UBA2: variants seen among roughly 807,000 people sequenced by gnomAD.
UBA2 encodes SUMO-activating enzyme subunit 2.
Under a neutral mutation model 77.2 loss-of-function variants are expected in UBA2, and 11 were observed. The observed-to-expected ratio is 0.14, with a 90% CI of 0.09 to 0.24. The LOEUF (loss-of-function observed/expected upper bound fraction) is 0.24. Among genes scored for constraint, UBA2 ranks in the 10% least tolerant of loss-of-function variants. The pLI is 1.00. For missense variants in UBA2, 487 were observed against 781.7 expected (o/e 0.62, Z 4.50); for synonymous variants, 278 against 276.7 (o/e 1.00, Z -0.05).
intron 14 of UBA2, 117 bp downstream of exon 14, chr19:34,460,683 G>A (rs563491439): frequency 4.3e-6 from 3 of 695,826 alleles, no homozygotes; most frequent in East Asian, 3.2e-5. Flanking sequence ...GCAGTGTTTG[G>A]TCATGAAGGT....
chr19:34,434,143 G>T (rs1218771975), intron 4 of UBA2, among the ~76,000 whole-genome samples: 3 of 152,216 alleles, frequency 2.0e-5, no homozygotes, highest in East Asian at 3.9e-4. Context: ...GGCTTGGGGG[G>T]TCTCACTGTT....
intron 7 of UBA2, 47 bp from the exon 8 acceptor site, chr19:34,444,953 G>A (rs758971306): frequency 1.9e-6 from 3 of 1,589,800 alleles, no homozygotes; most frequent in Non-Finnish European, 2.6e-6. Flanking sequence ...AAAGAGTTCA[G>A]TTCTACATTT....
chr19:34,437,781 C>CA lies in UBA2; in HGVS notation c.460-863dup, dbSNP rs796382180. 2.1e-4 allele frequency among the ~76,000 whole-genome samples: 31 copies of CA among 151,126 alleles called. 1 individual carries two copies. The highest frequency in any genetic ancestry group is 6.8e-4 in the African/African-American group (28 of 41,200). The stretch of plus-strand genomic sequence containing the variant: ...GTGTATCAATAAAATGGGCTGGGCG[C>CA]AGTGGCTCACGCCTGTAATCCCAGC... On this transcript the variant is annotated intron_variant, in intron 5 of 16. Coordinates refer to ENST00000246548, the MANE Select transcript of UBA2 (RefSeq NM_005499.3).
chr19:34,460,710 A>G, intron 14 of UBA2, 144 bp downstream of exon 14: 1 of 573,902 alleles, frequency 1.7e-6, no homozygotes, highest in Non-Finnish European at 3.0e-6. Context: ...TCAAGGTGAC[A>G]TTGCTGGGGG....
At chr19:34,435,100 A>G in intron 5 of UBA2, 132 bp downstream of exon 5, 1 of 666,252 alleles carries the variant, frequency 1.5e-6, no homozygotes, top group Non-Finnish European at 2.5e-6. Context: ...ATGCTTATAT[A>G]AAACTTAAAA....
At chr19:34,448,789 A>G (rs926855989) in intron 8 of UBA2, among the ~76,000 whole-genome samples, 2 of 152,210 alleles carry the variant, frequency 1.3e-5, no homozygotes, top group Admixed American at 6.5e-5. Context: ...GTGGTTAACT[A>G]CTGGAAATGG....
At chr19:34,461,273 CT>C (rs1332146038) in intron 14 of UBA2, among the ~76,000 whole-genome samples, 1 of 152,118 alleles carries the variant, frequency 6.6e-6, no homozygotes, top group East Asian at 1.9e-4. Context: ...TAATTCATAC[CT>C]ATTTGTCCAT....
chr19:34,466,200 G>A (rs1410312633), intron 15 of UBA2, among the ~76,000 whole-genome samples: 5 of 152,112 alleles, frequency 3.3e-5, no homozygotes, highest in African/African-American at 9.7e-5. Flanking sequence ...GCCAGGTGTG[G>A]TGGCGCGCCT....
intron 10 of UBA2, among the ~76,000 whole-genome samples, chr19:34,454,045 C>T (rs937150518): frequency 6.6e-6 from 1 of 152,112 alleles, no homozygotes; most frequent in Non-Finnish European, 1.5e-5. Context: ...AGACTCATTA[C>T]TGGACCAGAG....
At chr19:34,462,345 C>T (rs1465625094) in intron 14 of UBA2, among the ~76,000 whole-genome samples, 1 of 152,164 alleles carries the variant, frequency 6.6e-6, no homozygotes, top group African/African-American at 2.4e-5. Context: ...TAGGCGAGCA[C>T]AAGACTTCAC....
chr19:34,435,059 A>G, intron 5 of UBA2, 91 bp downstream of exon 5: 1 of 913,088 alleles, frequency 1.1e-6, no homozygotes, highest in South Asian at 1.5e-5. Context: ...TATAAAATGA[A>G]CAGGTGAACA....
chr19:34,459,515 C>G (rs1285734730), intron 13 of UBA2, among the ~76,000 whole-genome samples: 1 of 152,006 alleles, frequency 6.6e-6, no homozygotes, highest in Non-Finnish European at 1.5e-5. Context: ...TAAGTTAGTC[C>G]CTGAGGACAT....
Position 34,470,544 on chromosome 19 carries a change from A to T in UBA2, c.*1323A>T, listed in dbSNP as rs954575175. ...AGTGGGTTTTTTGTTCGTTTTTGAGATGAAGCCTCACACTGTCATCTGGCC... is the reference window on the plus strand; with the variant it reads ...AGTGGGTTTTTTGTTCGTTTTTGAGTTGAAGCCTCACACTGTCATCTGGCC... On this transcript the variant is annotated 3_prime_UTR_variant, in exon 17 of 17. Coordinates refer to ENST00000246548, the MANE Select transcript of UBA2 (RefSeq NM_005499.3). The T allele has an allele frequency of 1.3e-5, 2 of 152,184 alleles. No homozygotes were observed. The highest frequency in any genetic ancestry group is 2.4e-5 in the African/African-American group (1 of 41,440). The allele number at this position is 152,184 out of a possible 1,614,324, so 9.4% of individuals were successfully genotyped here. A position where few individuals can be genotyped will look rare whatever the true frequency, so the allele number is the denominator to read the frequency against.
At chr19:34,444,029 ATGTGTTTTTTTTT>A in intron 7 of UBA2, 118 bp downstream of exon 7, 2 of 351,020 alleles carry the variant, frequency 5.7e-6, no homozygotes, top group Non-Finnish European at 1.0e-5. Context: ...TGTGTTTAAC[ATGTGTTTTTTTTT>A]TGTTTTTTTT....
At chr19:34,459,500 T>G (rs768656738) in intron 13 of UBA2, among the ~76,000 whole-genome samples, 8 of 152,106 alleles carry the variant, frequency 5.3e-5, no homozygotes, top group Non-Finnish European at 1.2e-4. Flanking sequence ...CTGATTCTGA[T>G]ATGGTAAGTT....
At chr19:34,433,523 T>G in intron 4 of UBA2, 111 bp downstream of exon 4, 1 of 782,028 alleles carries the variant, frequency 1.3e-6, no homozygotes, top group Non-Finnish European at 2.1e-6. Context: ...TTAAAAGACT[T>G]AAGAGAAATG....
intron 8 of UBA2, among the ~76,000 whole-genome samples, chr19:34,449,579 A>G (rs1287657468): frequency 6.6e-6 from 1 of 152,252 alleles, no homozygotes; most frequent in African/African-American, 2.4e-5. Context: ...TTAATCAACA[A>G]TAGAAAATGC....
intron 5 of UBA2, among the ~76,000 whole-genome samples, chr19:34,436,887 T>C (rs1037510767): frequency 1.3e-5 from 2 of 152,170 alleles, no homozygotes; most frequent in Non-Finnish European, 2.9e-5. Context: ...TGTATGTCAG[T>C]GCGTATTAAG....
In UBA2 at chr19:34,451,930, A is replaced by G. The variant is rs374413626; in HGVS notation, c.872-51A>G. 41 of 1,067,364 alleles carry G rather than the reference A, an allele frequency of 3.8e-5. No individual in the cohort carries two copies. The African/African-American group carries it at 6.0e-4, about 16-fold the overall frequency. 66.1% of individuals were successfully genotyped at this position (1,067,364 alleles called of 1,614,324 possible). On this transcript the variant is annotated intron_variant, in intron 9 of 16. Coordinates refer to ENST00000246548, the MANE Select transcript of UBA2 (RefSeq NM_005499.3). Reference sequence around the variant, plus strand: ...GAACTTGTTAAACAGAGCACAGTAGAGGAATGATGTTAATTAGTGAAATTT... The same window carrying G: ...GAACTTGTTAAACAGAGCACAGTAGGGGAATGATGTTAATTAGTGAAATTT...
Sources: gnomAD v4.1 joint callset for allele counts (sites outside exome capture counted in the v4.1 genomes callset) on GRCh38, gnomAD v4.1.1 for gene constraint, MANE v1.5 for transcripts, NCBI Gene and HGNC (gene_info 2026-07-23, HGNC 2026-07-21) for gene names.